SLC37A3: variants seen among roughly 807,000 people sequenced by gnomAD.
SLC37A3 encodes the protein solute carrier family 37 member 3.
A neutral mutation model predicts 67.1 loss-of-function variants in SLC37A3; 51 were observed. The ratio of observed to expected loss-of-function variants is 0.76; its 90% CI spans 0.61 to 0.96. The LOEUF (loss-of-function observed/expected upper bound fraction) is 0.96, where lower values mean the gene tolerates loss of function less well. Ranked by LOEUF, SLC37A3 falls within the 40% of genes least tolerant of loss-of-function variation. SLC37A3 has a pLI of 0.00. For synonymous variants in SLC37A3, 214 were observed against 231.4 expected (o/e 0.92, Z 0.68); for missense variants, 508 against 603.0 (o/e 0.84, Z 1.65).
chr7:140,346,206 T>C (rs1796552794), intron 10 of SLC37A3, among the ~76,000 whole-genome samples: 3 of 152,132 alleles, frequency 2.0e-5, no homozygotes, highest in South Asian at 2.1e-4. Context: ...AGTGAAACCC[T>C]GTCTCTACTA....
chr7:140,397,092 C>A (rs1798963334), intron 1 of SLC37A3, among the ~76,000 whole-genome samples: 1 of 148,240 alleles, frequency 6.7e-6, no homozygotes, highest in African/African-American at 2.5e-5. Context: ...CCCAGCTACT[C>A]GGGAGGCTGA....
chr7:140,387,702 A>ATT (rs1798519799), intron 1 of SLC37A3, among the ~76,000 whole-genome samples: 1 of 60,206 alleles, frequency 1.7e-5, no homozygotes, highest in African/African-American at 5.7e-5. Flanking sequence ...ATATTATATA[A>ATT]ATATAAATAT....
chr7:140,347,278 C>T (rs529745546), intron 10 of SLC37A3, among the ~76,000 whole-genome samples: 90 of 149,462 alleles, frequency 6.0e-4, no homozygotes, highest in Middle Eastern at 3.5e-3. Context: ...AAAAAAGTGG[C>T]TAGTAAATAT....
chr7:140,380,923 G>T (rs1798228000), intron 2 of SLC37A3, among the ~76,000 whole-genome samples: 1 of 136,040 alleles, frequency 7.4e-6, no homozygotes, highest in Non-Finnish European at 1.5e-5. Context: ...TTGAGACAGA[G>T]TCTCGCTCTG....
In SLC37A3 at chr7:140,345,309, C is replaced by T. The variant is rs368436059; in HGVS notation, c.1127-46G>A. On this transcript the variant is annotated intron_variant, in intron 11 of 14. Transcript: ENST00000326232. ...AAACCATGGTGGCTTGAAAAGCAGA[C>T]TCCACGTGCCTCTGCCAACCGTACG... 13 of 1,483,648 alleles carry T rather than the reference C, an allele frequency of 8.8e-6. No homozygotes were observed. In the East Asian group the frequency reaches 2.0e-4, roughly 23 times the overall value. The allele number at this position is 1,483,648 out of a possible 1,614,324, so 91.9% of individuals were successfully genotyped here. A position where few individuals can be genotyped will look rare whatever the true frequency, so the allele number is the denominator to read the frequency against.
chr7:140,374,066 A>C lies in SLC37A3; in HGVS notation c.199-4384T>G, dbSNP rs557041256. On this transcript the variant is annotated intron_variant, in intron 3 of 14. Coordinates refer to ENST00000326232, the MANE Select transcript of SLC37A3 (RefSeq NM_207113.3). Reference sequence around the variant, plus strand: ...TTAATTTCTAAACTAGTATCTATAGATATAAACCCATATAACCAAAAACAT... The same window carrying C: ...TTAATTTCTAAACTAGTATCTATAGCTATAAACCCATATAACCAAAAACAT... 6.6e-5 allele frequency among the ~76,000 whole-genome samples: 10 copies of C among 152,336 alleles called. No homozygotes were observed. The South Asian group carries it at 2.1e-3, about 32-fold the overall frequency.
At chr7:140,364,639 C>T in intron 4 of SLC37A3, 148 bp from the exon 5 acceptor site, 3 of 667,414 alleles carry the variant, frequency 4.5e-6, no homozygotes, top group East Asian at 2.9e-5. Context: ...ACAGGAGTTT[C>T]ACAAATGTTT....
intron 1 of SLC37A3, among the ~76,000 whole-genome samples, chr7:140,397,201 CA>C (rs1166706967): frequency 8.2e-4 from 98 of 119,524 alleles, no homozygotes; most frequent in Admixed American, 1.2e-3. Context: ...AACTCAGTCT[CA>C]AAAAAAAAAA....
At chr7:140,342,888 A>T (rs1796412425) in intron 13 of SLC37A3, among the ~76,000 whole-genome samples, 1 of 152,122 alleles carries the variant, frequency 6.6e-6, no homozygotes, top group African/African-American at 2.4e-5. Flanking sequence ...CTTATGGGCC[A>T]CTCTTTGAGA....
chr7:140,373,624 C>T (rs1283443622), intron 3 of SLC37A3, among the ~76,000 whole-genome samples: 2 of 152,108 alleles, frequency 1.3e-5, no homozygotes, highest in African/African-American at 2.4e-5. Context: ...TTTCTAACTT[C>T]AAACCTGTGA....
chr7:140,347,157 G>A (rs1796595191), intron 10 of SLC37A3, among the ~76,000 whole-genome samples: 1 of 146,156 alleles, frequency 6.8e-6, no homozygotes, highest in Non-Finnish European at 1.5e-5. Flanking sequence ...CAGGTACTTA[G>A]GGAGGATCGC....
At chr7:140,367,942 C>G (rs1026800826) in intron 4 of SLC37A3, among the ~76,000 whole-genome samples, 1 of 151,850 alleles carries the variant, frequency 6.6e-6, no homozygotes, top group African/African-American at 2.4e-5. Flanking sequence ...GCCTCAGCCT[C>G]CCAAGTAGCT....
chr7:140,353,472 G>C (rs1796895972), intron 7 of SLC37A3, among the ~76,000 whole-genome samples: 1 of 150,314 alleles, frequency 6.7e-6, no homozygotes. Flanking sequence ...GTGAGACTCT[G>C]TCTTGGAAAA....
chr7:140,395,955 C>T (rs1798909458), intron 1 of SLC37A3, among the ~76,000 whole-genome samples: 1 of 147,908 alleles, frequency 6.8e-6, no homozygotes, highest in Non-Finnish European at 1.5e-5. Context: ...GTTGAGTTCA[C>T]CATTTTTACA....
chr7:140,386,782 G>T (rs1416085494), intron 1 of SLC37A3: 1 of 151,934 alleles, frequency 6.6e-6, no homozygotes, highest in Non-Finnish European at 1.5e-5. Context: ...ATTTTTTAAA[G>T]CCTACAGCAC....
At chr7:140,381,272 GGGA>G (rs1798241912) in intron 2 of SLC37A3, among the ~76,000 whole-genome samples, 1 of 150,516 alleles carries the variant, frequency 6.6e-6, no homozygotes, top group African/African-American at 2.4e-5. Context: ...CCAGCACTTT[GGGA>G]GGCTGAGGTG....
At chr7:140,343,848 ATAAC>A (rs1796452677) in intron 12 of SLC37A3, 1 of 344,114 alleles carries the variant, frequency 2.9e-6, no homozygotes, top group African/African-American at 2.2e-5. Flanking sequence ...ACATTCATTA[ATAAC>A]TAATTGCACT....
chr7:140,381,316 C>G (rs1585355665), intron 2 of SLC37A3, among the ~76,000 whole-genome samples: 1 of 150,532 alleles, frequency 6.6e-6, no homozygotes, highest in East Asian at 2.0e-4. Context: ...GAGTTCAAGA[C>G]CAGCCTAGGC....
chr7:140,384,625 A>G (rs1039192316), intron 1 of SLC37A3, among the ~76,000 whole-genome samples: 1 of 152,028 alleles, frequency 6.6e-6, no homozygotes, highest in Non-Finnish European at 1.5e-5. Context: ...AGGCTAAGGC[A>G]GGAGGATTGC....
Sources: allele counts gnomAD v4.1 joint callset (sites outside exome capture counted in the v4.1 genomes callset), GRCh38; gene constraint gnomAD v4.1.1; transcripts MANE v1.5; gene names NCBI Gene and HGNC (gene_info 2026-07-23, HGNC 2026-07-21).